The following TMEM117 variants were observed in gnomAD, a reference collection of about 807,000 sequenced individuals.
The protein encoded by TMEM117 is transmembrane protein 117.
Under a neutral mutation model 52.4 loss-of-function variants are expected in TMEM117, and 27 were observed. That is an observed-to-expected ratio of 0.51 (90% CI 0.38 to 0.71). The LOEUF (loss-of-function observed/expected upper bound fraction) is 0.71, where lower values mean the gene tolerates loss of function less well. Ranked by LOEUF, TMEM117 falls within the 30% of genes least tolerant of loss-of-function variation. The probability of loss-of-function intolerance (pLI) is 0.00; values close to 1 mark genes in which losing one functional copy is unlikely to be tolerated. For missense variants in TMEM117, 556 were observed against 630.5 expected (o/e 0.88, Z 1.26); for synonymous variants, 215 against 206.3 (o/e 1.04, Z -0.36).
intron 3 of TMEM117, among the ~76,000 whole-genome samples, chr12:44,074,582 C>T (rs539274636): frequency 2.6e-5 from 4 of 152,182 alleles, no homozygotes; most frequent in East Asian, 1.9e-4. Flanking sequence ...ACATAACTTC[C>T]GTAAGGTTCT....
chr12:44,010,145 T>A, intron 3 of TMEM117: 1 of 514,038 alleles, frequency 1.9e-6, no homozygotes. Context: ...CATCATTGTT[T>A]GCTCTAGGAA....
chr12:44,040,884 A>G (rs1373150077), intron 3 of TMEM117, among the ~76,000 whole-genome samples: 1 of 152,204 alleles, frequency 6.6e-6, no homozygotes, highest in Non-Finnish European at 1.5e-5. Flanking sequence ...ATGGTCATAT[A>G]CTATATAACG....
intron 4 of TMEM117, among the ~76,000 whole-genome samples, chr12:44,173,603 A>C (rs1949079382): frequency 7.3e-6 from 1 of 136,734 alleles, no homozygotes; most frequent in South Asian, 2.1e-4. Flanking sequence ...TGCTGAAAAC[A>C]CTAGAACCTT....
At chr12:43,931,815 A>G (rs1389899709) in intron 2 of TMEM117, among the ~76,000 whole-genome samples, 1 of 152,196 alleles carries the variant, frequency 6.6e-6, no homozygotes, top group African/African-American at 2.4e-5. Flanking sequence ...TTTGGAATCC[A>G]AGAGATACAA....
At chr12:43,970,260 A>T (rs1945559614) in intron 3 of TMEM117, among the ~76,000 whole-genome samples, 1 of 151,180 alleles carries the variant, frequency 6.6e-6, no homozygotes, top group African/African-American at 2.4e-5. Flanking sequence ...GCCTGTTGTT[A>T]TAATTGCTCT....
intron 4 of TMEM117, among the ~76,000 whole-genome samples, chr12:44,146,495 A>G (rs1404468785): frequency 6.6e-6 from 1 of 152,126 alleles, no homozygotes. Flanking sequence ...TGTTATATGA[A>G]ACATTGACCT....
chr12:44,306,725 G>A (rs1950908347), intron 6 of TMEM117, among the ~76,000 whole-genome samples: 2 of 152,164 alleles, frequency 1.3e-5, no homozygotes, highest in African/African-American at 4.8e-5. Flanking sequence ...AGGAATTAAT[G>A]TAACATTATT....
intron 5 of TMEM117, among the ~76,000 whole-genome samples, chr12:44,294,733 G>T (rs1950746443): frequency 6.6e-6 from 1 of 152,154 alleles, no homozygotes; most frequent in African/African-American, 2.4e-5. Context: ...ATAACAGATG[G>T]CTACTAAGTG....
intron 2 of TMEM117, among the ~76,000 whole-genome samples, chr12:43,889,305 A>G (rs186970448): frequency 6.6e-6 from 1 of 151,296 alleles, no homozygotes; most frequent in African/African-American, 2.4e-5. Flanking sequence ...CAGGTCTTGA[A>G]CTCCTGACCT....
chr12:43,845,595 A>G (rs927239672), intron 2 of TMEM117, among the ~76,000 whole-genome samples: 6 of 151,384 alleles, frequency 4.0e-5, no homozygotes, highest in Non-Finnish European at 8.8e-5. Flanking sequence ...CACAATGTGC[A>G]GGTTTGTTAC....
intron 5 of TMEM117, chr12:44,248,309 A>G (rs1414131986): frequency 6.6e-6 from 1 of 152,330 alleles, no homozygotes; most frequent in African/African-American, 2.4e-5. Flanking sequence ...GGAGTTGGCT[A>G]ATTGACCGAT....
At chr12:44,187,568 G>A (rs1171360174) in intron 4 of TMEM117, among the ~76,000 whole-genome samples, 1 of 152,096 alleles carries the variant, frequency 6.6e-6, no homozygotes, top group Non-Finnish European at 1.5e-5. Context: ...AATAAGATGG[G>A]ATCTCTAACC....
At chr12:44,323,789 A>G (rs189662988) in intron 6 of TMEM117, among the ~76,000 whole-genome samples, 1 of 152,254 alleles carries the variant, frequency 6.6e-6, no homozygotes, top group East Asian at 1.9e-4. Flanking sequence ...ACTTTGTGGT[A>G]CTGCATTATT....
At chr12:44,107,435 C>T (rs1482615437) in intron 3 of TMEM117, among the ~76,000 whole-genome samples, 1 of 152,058 alleles carries the variant, frequency 6.6e-6, no homozygotes, top group African/African-American at 2.4e-5. Flanking sequence ...TAAAAATTCA[C>T]TTAGAACCTA....
At chr12:44,396,554 T>C in the TMEM117 span, among the ~76,000 whole-genome samples, 1 of 152,088 alleles carries the variant, frequency 6.6e-6, no homozygotes, top group Non-Finnish European at 1.5e-5. Context: ...AATAATGTAC[T>C]TAGAATTGAT....
chr12:44,337,164 G>T (rs1346101251), intron 6 of TMEM117, among the ~76,000 whole-genome samples: 2 of 151,966 alleles, frequency 1.3e-5, no homozygotes, highest in Non-Finnish European at 2.9e-5. Flanking sequence ...AGTCAGGGAG[G>T]CTGGGACGTT....
chr12:44,225,282 A>G (rs149398909), intron 5 of TMEM117, among the ~76,000 whole-genome samples: 1 of 152,300 alleles, frequency 6.6e-6, no homozygotes, highest in East Asian at 1.9e-4. Flanking sequence ...GTGCTTAATG[A>G]AATGAAATTT....
intron 5 of TMEM117, among the ~76,000 whole-genome samples, chr12:44,257,130 A>G (rs1163965450): frequency 6.6e-6 from 1 of 151,018 alleles, no homozygotes; most frequent in African/African-American, 2.4e-5. Context: ...AGGTCATTGG[A>G]GAACACATCA....
chr12:44,118,114 C>T (rs771128743), intron 3 of TMEM117, among the ~76,000 whole-genome samples: 5 of 151,688 alleles, frequency 3.3e-5, no homozygotes, highest in Non-Finnish European at 5.9e-5. Context: ...TATCAGGTGA[C>T]ATTTTCCTTC....
Sources: gnomAD v4.1 joint callset for allele counts (sites outside exome capture counted in the v4.1 genomes callset) on GRCh38, gnomAD v4.1.1 for gene constraint, MANE v1.5 for transcripts, NCBI Gene and HGNC (gene_info 2026-07-23, HGNC 2026-07-21) for gene names.